Variants in LY75 observed in about 807,000 individuals in gnomAD.
LY75 encodes lymphocyte antigen 75.
A neutral mutation model predicts 231.7 loss-of-function variants in LY75; 185 were observed. The ratio of observed to expected loss-of-function variants is 0.80; its 90% confidence interval spans 0.71 to 0.90. The LOEUF (loss-of-function observed/expected upper bound fraction) is 0.90, where lower values mean the gene tolerates loss of function less well. Among genes scored for constraint, LY75 ranks in the 40% least tolerant of loss-of-function variants. The probability of loss-of-function intolerance (pLI) is 0.00; values close to 1 mark genes in which losing one functional copy is unlikely to be tolerated. For missense variants in LY75, 1,947 were observed against 2,050.2 expected, an observed-to-expected ratio of 0.95 and a Z score of 0.97; for synonymous variants, 668 against 689.0, an observed-to-expected ratio of 0.97 and a Z score of 0.48.
rs1275319900 is a variant in LY75 at position 159,848,068 on chromosome 2, G to GTGTA, written c.3150+1911_3150+1912insTACA. 4.0e-5 allele frequency among the ~76,000 whole-genome samples: 5 copies of GTGTA among 123,908 alleles called. No homozygotes were observed. The East Asian group carries it at 1.4e-3, about 35-fold the overall frequency. The allele number at this position is 123,908 out of a possible 152,430, so 81.3% of individuals were successfully genotyped here. A position where few individuals can be genotyped will look rare whatever the true frequency, so the allele number is the denominator to read the frequency against. On this transcript the variant is annotated intron_variant, in intron 23 of 34. Transcript: ENST00000263636. ...TGAATGGATAAAGAAATTATGGTGT[G>GTGTA]TATATATATATATATATATATATAT... is the stretch of plus-strand genomic sequence containing the variant.
chr2:159,886,339 T>C, intron 5 of LY75, 81 bp downstream of exon 5: 1 of 1,426,456 alleles, frequency 7.0e-7, no homozygotes, highest in Non-Finnish European at 9.3e-7. Context: ...TGTGAAACTT[T>C]TCTAAGCTAT....
At chr2:159,882,776 G>A (rs1399710146) in intron 6 of LY75, among the ~76,000 whole-genome samples, 4 of 152,106 alleles carry the variant, frequency 2.6e-5, no homozygotes, top group South Asian at 2.1e-4. Context: ...GTAGATTAAC[G>A]CTCACCGTTG....
At chr2:159,890,691 G>A (rs1685727355) in intron 3 of LY75, among the ~76,000 whole-genome samples, 1 of 152,066 alleles carries the variant, frequency 6.6e-6, no homozygotes, top group Admixed American at 6.6e-5. Context: ...GTGTGCACAT[G>A]TTGTGAACAC....
At chr2:159,832,060 T>C (rs1683679261) in intron 27 of LY75, among the ~76,000 whole-genome samples, 1 of 132,734 alleles carries the variant, frequency 7.5e-6, no homozygotes, top group South Asian at 2.3e-4. Flanking sequence ...CACTTCACTT[T>C]CCCCTATTTA....
chr2:159,816,192 C>T (rs1445903553), intron 30 of LY75, among the ~76,000 whole-genome samples: 2 of 152,066 alleles, frequency 1.3e-5, no homozygotes, highest in Non-Finnish European at 2.9e-5. Context: ...ATTTTTTGTA[C>T]ACAAGACCCT....
chr2:159,837,187 C>T (rs919750454), intron 25 of LY75, among the ~76,000 whole-genome samples: 2 of 152,162 alleles, frequency 1.3e-5, no homozygotes, highest in Non-Finnish European at 2.9e-5. Context: ...TACACCTGCG[C>T]TCATATGTTT....
In LY75 at chr2:159,816,761, A is replaced by G. The variant is rs781458482; in HGVS notation, c.4380+45T>C. 7 of 1,605,126 alleles carry G rather than the reference A, an allele frequency of 4.4e-6. No individual in the cohort carries two copies. The South Asian group carries it at 5.5e-5, about 13-fold the overall frequency. On this transcript the variant is annotated intron_variant, in intron 30 of 34. Transcript: ENST00000263636. The stretch of plus-strand genomic sequence containing the variant: ...TTTACGCTCAAATTTCTAACCCTCA[A>G]AATAACACATTTGAAAAGTTTCTGG...
chr2:159,874,951 T>TATATTTATAAATATATATATTGTAAATA (rs1685214354), intron 12 of LY75, among the ~76,000 whole-genome samples: 1 of 139,680 alleles, frequency 7.2e-6, no homozygotes, highest in Non-Finnish European at 1.5e-5. Context: ...GTAAATATAT[T>TATATTTATAAATATATATATTGTAAATA]TATAAATATA....
At chr2:159,831,585 T>G (rs560586957) in intron 28 of LY75, 85 bp downstream of exon 28, 247 of 1,410,614 alleles carry the variant, frequency 1.8e-4, no homozygotes, top group Admixed American at 3.0e-4. Context: ...TTGATAGACA[T>G]GTACTTTGAA....
chr2:159,875,271 C>T (rs1685230172), intron 12 of LY75, among the ~76,000 whole-genome samples, 173 bp downstream of exon 12: 1 of 151,890 alleles, frequency 6.6e-6, no homozygotes, highest in African/African-American at 2.4e-5. Flanking sequence ...GGGTGTGGGG[C>T]TGAGGCACCT....
rs761791648 is a variant in LY75 at position 159,831,820 on chromosome 2, A to C, written c.3842-34T>G. On this transcript the variant is annotated intron_variant, in intron 27 of 34. Transcript: ENST00000263636. ...TAAAAAATAATCAATAATTTTAACA[A>C]TTACTTATCTAGTACACTTCTATTT... 2.6e-5 allele frequency: 40 copies of C among 1,546,510 alleles called. No homozygotes were observed. In the African/African-American group the frequency reaches 5.2e-4, roughly 20 times the overall value.
chr2:159,810,757 G>T (rs1682936499), intron 31 of LY75, 82 bp from the exon 32 acceptor site: 2 of 1,564,804 alleles, frequency 1.3e-6, no homozygotes, highest in African/African-American at 2.7e-5. Context: ...GTCCCTGATT[G>T]GAACTGTTGC....
chr2:159,886,725 G>A (rs1574593981), intron 4 of LY75, among the ~76,000 whole-genome samples, 195 bp from the exon 5 acceptor site: 1 of 152,094 alleles, frequency 6.6e-6, no homozygotes, highest in African/African-American at 2.4e-5. Flanking sequence ...AAACCCAAAG[G>A]CTGATAAGTT....
chr2:159,885,122 G>T (rs759029151), intron 6 of LY75, 31 bp downstream of exon 6: 13 of 1,596,398 alleles, frequency 8.1e-6, no homozygotes, highest in Non-Finnish European at 1.1e-5. Context: ...AGACCTATTT[G>T]TCTATTTGTA....
At chr2:159,888,632 A>T (rs1399705925) in intron 4 of LY75, among the ~76,000 whole-genome samples, 2 of 152,204 alleles carry the variant, frequency 1.3e-5, no homozygotes, top group African/African-American at 4.8e-5. Context: ...ATGCATCTGA[A>T]TTACTTAGAC....
chr2:159,868,522 G>T (rs1684919612), intron 13 of LY75, among the ~76,000 whole-genome samples: 1 of 152,106 alleles, frequency 6.6e-6, no homozygotes, highest in African/African-American at 2.4e-5. Flanking sequence ...TTTATATAAT[G>T]AACTTGTATT....
Position 159,899,011 on chromosome 2 carries a change from T to C in LY75, c.143A>G (p.Lys48Arg). ...TGCTACTATCCAGCCATACACTGGC[T>C]TGATGCACTTGCCCGTATTTCCATG... ...IVHGNTGKCI[K>R]PVYGWIVADD... The change falls in exon 2 of 35, where the codon AAG becomes AGG. Residue 48 changes from lysine (K) to arginine (R), a missense_variant. Coordinates refer to ENST00000263636, the MANE Select transcript of LY75 (RefSeq NM_002349.4). 6.2e-7 allele frequency: 1 copy of C among 1,614,168 alleles called. No homozygotes were observed.
At chr2:159,887,575 A>AAAG (rs1247195556) in intron 4 of LY75, among the ~76,000 whole-genome samples, 2 of 150,058 alleles carry the variant, frequency 1.3e-5, no homozygotes, top group Non-Finnish European at 3.0e-5. Context: ...ACAAAAAAAA[A>AAAG]AAAAAAAAAG....
chr2:159,847,532 G>A (rs1046014566), intron 23 of LY75, among the ~76,000 whole-genome samples: 5 of 152,028 alleles, frequency 3.3e-5, no homozygotes, highest in African/African-American at 1.2e-4. Flanking sequence ...TGCATGCATA[G>A]GCTGCATGAT....
Sources: gnomAD v4.1 joint callset for allele counts (sites outside exome capture counted in the v4.1 genomes callset) on GRCh38, gnomAD v4.1.1 for gene constraint, MANE v1.5 for transcripts, NCBI Gene and HGNC (gene_info 2026-07-23, HGNC 2026-07-21) for gene names.